The following NR3C2 variants were observed in gnomAD, a reference collection of about 807,000 sequenced individuals.
NR3C2 encodes the protein nuclear receptor subfamily 3 group C member 2, also known as mineralocorticoid receptor.
In NR3C2, 15 loss-of-function variants were observed where a neutral mutation model predicts 86.4. That is an observed-to-expected ratio of 0.17 (90% CI 0.12 to 0.27). The LOEUF (loss-of-function observed/expected upper bound fraction) is 0.27. Among genes scored for constraint, NR3C2 ranks in the 10% least tolerant of loss-of-function variants. The pLI is 1.00. For synonymous variants in NR3C2, 458 were observed against 450.5 expected, an observed-to-expected ratio of 1.02 and a Z score of -0.21; for missense variants, 960 against 1,195.6, an observed-to-expected ratio of 0.80 and a Z score of 2.91.
chr4:148,264,982 A>T (rs1740303577), intron 2 of NR3C2, among the ~76,000 whole-genome samples: 1 of 152,196 alleles, frequency 6.6e-6, no homozygotes, highest in Admixed American at 6.5e-5. Context: ...CCTCCAAACC[A>T]TTTTAATATT....
chr4:148,408,279 C>T (rs1748518417), intron 2 of NR3C2, among the ~76,000 whole-genome samples: 1 of 152,032 alleles, frequency 6.6e-6, no homozygotes. Context: ...AGAAAATGAT[C>T]AAAATAATTA....
chr4:148,394,791 G>A (rs1369903183), intron 2 of NR3C2, among the ~76,000 whole-genome samples: 1 of 152,204 alleles, frequency 6.6e-6, no homozygotes, highest in African/African-American at 2.4e-5. Flanking sequence ...ACAGTTTATT[G>A]TGGTGAAATA....
At chr4:148,443,253 A>AAAAAAAAAAAAAAAAAAAAAAAAAG (rs1560742809), upstream of NR3C2, among the ~76,000 whole-genome samples, 1 of 134,498 alleles carries the variant, frequency 7.4e-6, no homozygotes. Context: ...AAAAAAAAAA[A>AAAAAAAAAAAAAAAAAAAAAAAAAG]AGAGAGAGAG....
At chr4:148,413,190 A>C (rs1484946061) in intron 2 of NR3C2, among the ~76,000 whole-genome samples, 1 of 152,176 alleles carries the variant, frequency 6.6e-6, no homozygotes, top group Non-Finnish European at 1.5e-5. Flanking sequence ...TTCGTAAGTC[A>C]CAGGGTATAA....
At chr4:148,385,030 C>T (rs1747194894) in intron 2 of NR3C2, among the ~76,000 whole-genome samples, 1 of 152,190 alleles carries the variant, frequency 6.6e-6, no homozygotes, top group Non-Finnish European at 1.5e-5. Flanking sequence ...AATTGCTCCT[C>T]TGGTGTTTGT....
intron 6 of NR3C2, among the ~76,000 whole-genome samples, chr4:148,133,531 G>A (rs116391489): frequency 0.035 from 5,340 of 152,264 alleles, 144 homozygotes; most frequent in Non-Finnish European, 0.055. Flanking sequence ...ATTTAGAAAC[G>A]TTACCAGACT....
rs73853761 is a variant in NR3C2, at chr4:148,151,049, T to C, written c.2510+1420A>G. 9.0e-3 allele frequency among the ~76,000 whole-genome samples: 1,374 copies of C among 152,248 alleles called. 23 individuals are homozygous for C. The highest frequency in any genetic ancestry group is 0.031 in the African/African-American group (1,307 of 41,546). ...GAATGGGTTTAGAGTTTGTTTGGGA[T>C]GATGAAAAGTATTGGATGTGGATAG... On this transcript the variant is annotated intron_variant, in intron 6 of 8. Transcript: ENST00000358102.
chr4:148,141,771 T>G (rs1020776742), intron 6 of NR3C2, among the ~76,000 whole-genome samples: 10 of 152,124 alleles, frequency 6.6e-5, no homozygotes, highest in African/African-American at 2.4e-4. Flanking sequence ...CTGCGAACCC[T>G]AGCTGAACTG....
At chr4:148,315,999 G>T (rs140138820) in intron 2 of NR3C2, among the ~76,000 whole-genome samples, 59 of 152,192 alleles carry the variant, frequency 3.9e-4, no homozygotes, top group Non-Finnish European at 6.8e-4. Flanking sequence ...ATGCATATTT[G>T]CACATTATAG....
chr4:148,167,464 T>G (rs1262757819), intron 4 of NR3C2, among the ~76,000 whole-genome samples: 1 of 152,216 alleles, frequency 6.6e-6, no homozygotes, highest in Non-Finnish European at 1.5e-5. Flanking sequence ...GACCCACAGT[T>G]AAGATTAGAC....
intron 6 of NR3C2, among the ~76,000 whole-genome samples, chr4:148,130,949 G>A (rs1202059771): frequency 1.3e-5 from 2 of 149,154 alleles, no homozygotes; most frequent in African/African-American, 4.9e-5. Context: ...TCAGCCTCCC[G>A]AGTAGCCGGG....
intron 2 of NR3C2, among the ~76,000 whole-genome samples, chr4:148,263,628 G>A (rs574791602): frequency 2.0e-5 from 3 of 152,312 alleles, no homozygotes; most frequent in African/African-American, 7.2e-5. Flanking sequence ...GACACTTAAA[G>A]TCTTTCTCCC....
At position 148,242,981 on chromosome 4, in the gene NR3C2, C is replaced by T. The variant is rs527391383; in HGVS notation, c.1897+16997G>A. On this transcript the variant is annotated intron_variant, in intron 3 of 8. Coordinates refer to ENST00000358102, the MANE Select transcript of NR3C2 (RefSeq NM_000901.5). ...GTAGGAACGTTAATTGGTTACAGGA[C>T]GGTTACTATTTTAGGTGGCAGGATT... 2.7e-5 allele frequency among the ~76,000 whole-genome samples: 4 copies of T among 149,300 alleles called. No homozygotes were observed. The East Asian group carries it at 5.9e-4, about 22-fold the overall frequency.
rs1406549866 is a variant in NR3C2, at chr4:148,287,913, G to C, written c.1758-27796C>G. Among the ~76,000 whole-genome samples the C allele has an allele frequency of 3.9e-5, 6 of 152,128 alleles. No homozygotes were observed. In the South Asian group the frequency reaches 8.3e-4, roughly 21 times the overall value. On this transcript the variant is annotated intron_variant, in intron 2 of 8. Transcript: ENST00000358102. ...AAGTAGATAGTAGATAATACCTACT[G>C]AAATACTTTTTAAAAACACTTATAT...
intron 3 of NR3C2, among the ~76,000 whole-genome samples, chr4:148,224,470 C>G (rs888108366): frequency 6.6e-6 from 1 of 152,202 alleles, no homozygotes; most frequent in Admixed American, 6.5e-5. Context: ...ATGTTTCTCT[C>G]CAGTTAGAAC....
At chr4:148,363,506 C>CTTTTTTTTTTTTTTTTTTTT (rs58978966) in intron 2 of NR3C2, among the ~76,000 whole-genome samples, 21 of 110,772 alleles carry the variant, frequency 1.9e-4, no homozygotes, top group African/African-American at 6.2e-4. Flanking sequence ...TCATAGATCT[C>CTTTTTTTTTTTTTTTTTTTT]TTTTTTTTTT....
intron 4 of NR3C2, among the ~76,000 whole-genome samples, chr4:148,156,040 G>C (rs1734370118): frequency 6.6e-6 from 1 of 152,070 alleles, no homozygotes; most frequent in Non-Finnish European, 1.5e-5. Flanking sequence ...AACTGGTGCT[G>C]GGAAAACTGG....
intron 2 of NR3C2, among the ~76,000 whole-genome samples, chr4:148,349,925 GAAAGAT>G (rs1745189244): frequency 6.6e-6 from 1 of 152,102 alleles, no homozygotes; most frequent in South Asian, 2.1e-4. Context: ...AAAAAGAAAA[GAAAGAT>G]AAACATAAAA....
At chr4:148,307,395 T>C (rs1459667162) in intron 2 of NR3C2, among the ~76,000 whole-genome samples, 1 of 152,046 alleles carries the variant, frequency 6.6e-6, no homozygotes, top group African/African-American at 2.4e-5. Context: ...AACAGAATCA[T>C]AAGTTATGTT....
Sources: gnomAD v4.1 joint callset for allele counts (sites outside exome capture counted in the v4.1 genomes callset) on GRCh38, gnomAD v4.1.1 for gene constraint, MANE v1.5 for transcripts, NCBI Gene and HGNC (gene_info 2026-07-23, HGNC 2026-07-21) for gene names.